MARK4: variants seen among roughly 807,000 people sequenced by gnomAD.
MARK4 encodes microtubule affinity regulating kinase 4.
Under a neutral mutation model 81.5 loss-of-function variants are expected in MARK4, and 19 were observed. That is an observed-to-expected ratio of 0.23 (90% CI 0.16 to 0.34). The LOEUF is 0.34. Among genes scored for constraint, MARK4 ranks in the 10% least tolerant of loss-of-function variants. The pLI is 1.00. For missense variants in MARK4, 772 were observed against 1,058.8 expected (o/e 0.73, Z 3.76); for synonymous variants, 436 against 439.0 (o/e 0.99, Z 0.08).
intron 12 of MARK4, among the ~76,000 whole-genome samples, chr19:45,284,125 C>T (rs908250270): frequency 1.3e-5 from 2 of 151,966 alleles, no homozygotes; most frequent in African/African-American, 4.8e-5. Flanking sequence ...TCAACTGATT[C>T]TCCTGCCTCA....
Position 45,251,499 on chromosome 19 carries a change from C to T in MARK4, c.-90C>T. On this transcript the variant is annotated 5_prime_UTR_variant, in exon 1 of 17. Transcript: ENST00000262891. ...CGCCCAGCTTTTGAGCTCGCGTCCC[C>T]AGGCCGGCGGGGGGGGAGGGGAAGA... The T allele has an allele frequency of 1.3e-6, 1 of 795,996 alleles. No homozygotes were observed. The highest frequency in any genetic ancestry group is 1.8e-6 in the Non-Finnish European group (1 of 541,212). The allele number at this position is 795,996 out of a possible 1,614,324, so 49.3% of individuals were successfully genotyped here. A position where few individuals can be genotyped will look rare whatever the true frequency, so the allele number is the denominator to read the frequency against.
Position 45,302,427 on chromosome 19 carries a change from C to G in MARK4, c.1976C>G (p.Pro659Arg), listed in dbSNP as rs752713604. 1.2e-6 allele frequency: 2 copies of G among 1,614,104 alleles called. No individual in the cohort carries two copies. The highest frequency in any genetic ancestry group is 1.7e-6 in the Non-Finnish European group (2 of 1,179,970). Residue 659 changes from proline (P) to arginine (R), a missense_variant, in exon 17 of 17, where the codon CCC (proline) becomes CGC (arginine). Pro to Arg is a moderately radical substitution (Grantham distance 103). This residue lies in a region of MARK4 where 548 missense variants were observed against 624.3 expected (regional missense o/e 0.88). Coordinates refer to ENST00000262891, the MANE Select transcript of MARK4 (RefSeq NM_001199867.2). This position sits in a 1 kb window ranked among gnomAD's most constrained non-coding sequence, Gnocchi z 4.9. ...TETAPRLLRF[P>R]WSVKLTSSRP... ...ACCGCCCCCCGGCTGCTCCGATTCCCCTGGAGTGTGAAGCTGACCAGCTCG... is the reference window on the plus strand; with the variant it reads ...ACCGCCCCCCGGCTGCTCCGATTCCGCTGGAGTGTGAAGCTGACCAGCTCG...
chr19:45,281,367 C>CTTTTTTTTT (rs71173137), intron 12 of MARK4, among the ~76,000 whole-genome samples: 23 of 132,076 alleles, frequency 1.7e-4, no homozygotes, highest in African/African-American at 4.4e-4. Context: ...TCTTTTCTTT[C>CTTTTTTTTT]TTTTTTTTTT....
chr19:45,281,844 T>C (rs1238804096), intron 12 of MARK4, among the ~76,000 whole-genome samples: 1 of 152,182 alleles, frequency 6.6e-6, no homozygotes, highest in Non-Finnish European at 1.5e-5. Context: ...TAAAGGAGGC[T>C]CTGGAAGAGA....
In MARK4 at chr19:45,271,551, C is replaced by G; in HGVS notation, c.629C>G (p.Ser210Trp). 1 of 1,614,238 alleles carries G rather than the reference C, an allele frequency of 6.2e-7. No individual in the cohort carries two copies. ...TTCAGCAACGAGTTCACGCTGGGAT[C>G]GAAGCTGGACACGTTCTGCGGGAGC... ...FGFSNEFTLG[S>W]KLDTFCGSPP... is the part of the protein sequence containing the mutation. Residue 210 changes from serine to tryptophan, a missense_variant, in exon 8 of 17, where the codon TCG becomes TGG. Transcript: ENST00000262891. This position sits in a 1 kb window ranked among gnomAD's most constrained non-coding sequence, Gnocchi z 4.1.
chr19:45,267,995 C>T (rs1011998876), intron 7 of MARK4, among the ~76,000 whole-genome samples: 13 of 152,078 alleles, frequency 8.5e-5, no homozygotes, highest in Non-Finnish European at 1.8e-4. Context: ...GGGGTTTCAC[C>T]ACGTTGGCCA....
intron 6 of MARK4, 22 bp from the exon 7 acceptor site, chr19:45,266,203 C>T: frequency 1.3e-5 from 21 of 1,613,520 alleles, no homozygotes; most frequent in Non-Finnish European, 1.7e-5. Context: ...CACAAATAAC[C>T]AACCTTCCCC....
chr19:45,295,194 C>CAA (rs778188519), intron 14 of MARK4, among the ~76,000 whole-genome samples: 2 of 134,292 alleles, frequency 1.5e-5, no homozygotes, highest in African/African-American at 2.7e-5. Flanking sequence ...CTAAAAATAC[C>CAA]AAAAAAAAAA....
chr19:45,275,590 G>A (rs1308890566), intron 8 of MARK4, among the ~76,000 whole-genome samples: 1 of 152,190 alleles, frequency 6.6e-6, no homozygotes, highest in Non-Finnish European at 1.5e-5. Flanking sequence ...CTGCGCTGGA[G>A]GTGGCAGTGG....
chr19:45,303,140 T>G lies in MARK4; in HGVS notation c.*430T>G. 1.0e-5 allele frequency: 2 copies of G among 199,438 alleles called. No individual in the cohort carries two copies. Among genetic ancestry groups the G allele is most frequent in the Non-Finnish European group, 2.0e-5 (2 of 97,562 alleles). The allele number at this position is 199,438 out of a possible 1,614,324, so 12.4% of individuals were successfully genotyped here. On this transcript the variant is annotated 3_prime_UTR_variant, in exon 17 of 17. Coordinates refer to ENST00000262891, the MANE Select transcript of MARK4 (RefSeq NM_001199867.2). ...AGTGGGGGTCAGAGAGGCAGATTCC[T>G]TCCCCTCCCGTCCCCTCACGCTCAA...
chr19:45,260,389 C>CA (rs35221473), intron 2 of MARK4, among the ~76,000 whole-genome samples: 56,231 of 110,728 alleles, frequency 0.51, 13,204 homozygotes, highest in Non-Finnish European at 0.58. Context: ...GACTTTGTCT[C>CA]AAAAAAAAAA....
At chr19:45,254,092 T>G (rs1187063609) in intron 1 of MARK4, among the ~76,000 whole-genome samples, 2 of 152,110 alleles carry the variant, frequency 1.3e-5, no homozygotes, top group Admixed American at 1.3e-4. Flanking sequence ...TGTTACCTGG[T>G]TACCATGGCT....
chr19:45,265,677 A>T (rs532013066), intron 6 of MARK4, among the ~76,000 whole-genome samples: 2 of 137,316 alleles, frequency 1.5e-5, no homozygotes, highest in Non-Finnish European at 3.1e-5. Context: ...GGTGTGGGGT[A>T]AGAGGAGTTG....
Position 45,302,898 on chromosome 19 carries a change from G to A in MARK4, c.*188G>A. On this transcript the variant is annotated 3_prime_UTR_variant, in exon 17 of 17. Coordinates refer to ENST00000262891, the MANE Select transcript of MARK4 (RefSeq NM_001199867.2). This position sits in a 1 kb window ranked among gnomAD's most constrained non-coding sequence, Gnocchi z 4.9. ...CTCAGCACAGAAGAAGGATGAGGGG[G>A]CTCAGCGGGGGGAGCTGGCACCTTC... 1 of 971,138 alleles carries A rather than the reference G, an allele frequency of 1.0e-6. No individual in the cohort carries two copies. The highest frequency in any genetic ancestry group is 1.5e-6 in the Non-Finnish European group (1 of 682,230). 60.2% of individuals were successfully genotyped at this position (971,138 alleles called of 1,614,324 possible). A position where few individuals can be genotyped will look rare whatever the true frequency, so the allele number is the denominator to read the frequency against.
intron 14 of MARK4, among the ~76,000 whole-genome samples, chr19:45,295,448 A>C (rs185278588): frequency 6.6e-6 from 1 of 152,138 alleles, no homozygotes; most frequent in African/African-American, 2.4e-5. Flanking sequence ...GACCGGGTAA[A>C]TCCCTGTGCC....
At chr19:45,257,687 ATATT>A (rs1970326178) in intron 1 of MARK4, among the ~76,000 whole-genome samples, 4 of 79,154 alleles carry the variant, frequency 5.1e-5, no homozygotes, top group Non-Finnish European at 8.3e-5. Flanking sequence ...CTGGCCCATA[ATATT>A]TTTTTTTTTT....
At position 45,251,658 on chromosome 19, in the gene MARK4, C is replaced by G; in HGVS notation, c.51+19C>G. On this transcript the variant is annotated intron_variant, in intron 1 of 16. Coordinates refer to ENST00000262891, the MANE Select transcript of MARK4 (RefSeq NM_001199867.2). ...GGACACGGTGAGTGGGGCCCGGCCCCTTGGGGAGCCCTGGCTGGGTCCAGC... is the reference window on the plus strand; with the variant it reads ...GGACACGGTGAGTGGGGCCCGGCCCGTTGGGGAGCCCTGGCTGGGTCCAGC... 6.6e-7 allele frequency: 1 copy of G among 1,519,234 alleles called. No homozygotes were observed. The highest frequency in any genetic ancestry group is 8.8e-7 in the Non-Finnish European group (1 of 1,136,088). The allele number at this position is 1,519,234 out of a possible 1,614,324, so 94.1% of individuals were successfully genotyped here.
chr19:45,259,782 AAAAAT>A (rs1203590287), intron 2 of MARK4, among the ~76,000 whole-genome samples: 31 of 148,410 alleles, frequency 2.1e-4, no homozygotes, highest in African/African-American at 7.0e-4. Context: ...CTCAAAAAAT[AAAAAT>A]AAAATAAAAT....
At chr19:45,255,822 C>G (rs148057333) in intron 1 of MARK4, among the ~76,000 whole-genome samples, 1 of 152,216 alleles carries the variant, frequency 6.6e-6, no homozygotes, top group South Asian at 2.1e-4. Context: ...GCTTCCCACT[C>G]CCAGCCGGAA....
Sources: allele counts gnomAD v4.1 joint callset (sites outside exome capture counted in the v4.1 genomes callset), GRCh38; gene constraint gnomAD v4.1.1; regional missense constraint gnomAD v4.1.1; non-coding constraint Gnocchi (gnomAD v3.1); transcripts MANE v1.5; gene names NCBI Gene and HGNC (gene_info 2026-07-23, HGNC 2026-07-21).